The following LIAT1 variants were observed in gnomAD, a reference collection of about 807,000 sequenced individuals.
The protein encoded by LIAT1 is ligand of ATE1.
chr17:413,795 G>C, the LIAT1 span: 1 of 1,531,378 alleles, frequency 6.5e-7, no homozygotes, highest in Non-Finnish European at 8.7e-7. Flanking sequence ...TTTCCACACT[G>C]ACCCCGAGGC....
chr17:414,653 T>G, the LIAT1 span: 2 of 155,768 alleles, frequency 1.3e-5, no homozygotes, highest in African/African-American at 2.4e-5. The surrounding 1 kb of genome is among the most constrained non-coding windows in gnomAD (Gnocchi z 4.1). Context: ...TTCATAAACA[T>G]GGTCCTCTCC....
At chr17:411,207 C>T in the LIAT1 span, among the ~76,000 whole-genome samples, 4 of 152,204 alleles carry the variant, frequency 2.6e-5, no homozygotes, top group African/African-American at 4.8e-5. Flanking sequence ...CAAGGGGCAG[C>T]CTTGGACTGC....
chr17:414,408 C>A, the LIAT1 span: 1 of 362,668 alleles, frequency 2.8e-6, no homozygotes, highest in East Asian at 5.4e-5. The surrounding 1 kb of genome is among the most constrained non-coding windows in gnomAD (Gnocchi z 4.1). Context: ...ATAATCTGCC[C>A]CAAAAAGAAA....
chr17:414,398 A>G, the LIAT1 span: 2 of 401,654 alleles, frequency 5.0e-6, no homozygotes, highest in Non-Finnish European at 4.5e-6. The surrounding 1 kb of genome is among the most constrained non-coding windows in gnomAD (Gnocchi z 4.1). Flanking sequence ...CTAGATGTCT[A>G]TAATCTGCCC....
chr17:414,147 T>C, the LIAT1 span: 1 of 1,595,188 alleles, frequency 6.3e-7, no homozygotes, highest in African/African-American at 1.3e-5. The surrounding 1 kb of genome is among the most constrained non-coding windows in gnomAD (Gnocchi z 4.1). Context: ...AAACTTATAA[T>C]TCCTCCTCAC....
At chr17:413,420 C>T in the LIAT1 span, 13 of 1,614,034 alleles carry the variant, frequency 8.1e-6, no homozygotes, top group African/African-American at 4.0e-5. Context: ...TAAACTGAAT[C>T]GGAGAAAACG....
chr17:410,501 C>CGAG, the LIAT1 span: 5 of 1,544,392 alleles, frequency 3.2e-6, no homozygotes, highest in African/African-American at 1.4e-5. Flanking sequence ...ACAACGACGG[C>CGAG]GAGGAGGAGG....
chr17:413,041 G>A, the LIAT1 span: 83 of 1,364,592 alleles, frequency 6.1e-5, no homozygotes, highest in South Asian at 9.8e-5. Context: ...CCCTGGGTAC[G>A]GAGGGGCCCC....
chr17:410,390 ATTAGT>A, the LIAT1 span: 3 of 1,524,126 alleles, frequency 2.0e-6, no homozygotes, highest in African/African-American at 4.2e-5. Flanking sequence ...AGAGTCGCCG[ATTAGT>A]CGGCATCGGG....
chr17:410,788 G>C, the LIAT1 span: 120 of 731,480 alleles, frequency 1.6e-4, no homozygotes, highest in South Asian at 2.2e-3. Context: ...ACACATGCCC[G>C]TCAGCAGCAC....
chr17:413,010 T>G, the LIAT1 span: 1 of 878,760 alleles, frequency 1.1e-6, no homozygotes, highest in Non-Finnish European at 1.7e-6. Flanking sequence ...GGCACGAGGC[T>G]GGTGGGCTTG....
chr17:410,707 C>G, the LIAT1 span: 4 of 1,464,038 alleles, frequency 2.7e-6, no homozygotes, highest in East Asian at 7.4e-5. Context: ...CTTTGGGGAC[C>G]CACCCCCCAT....
chr17:413,645 G>A, the LIAT1 span: 38 of 1,562,894 alleles, frequency 2.4e-5, 2 homozygotes, highest in African/African-American at 2.2e-4. Context: ...CTTCCACCCC[G>A]ACCCTGAGGC....
At chr17:412,217 G>C in the LIAT1 span, among the ~76,000 whole-genome samples, 1 of 151,874 alleles carries the variant, frequency 6.6e-6, no homozygotes, top group Non-Finnish European at 1.5e-5. Flanking sequence ...ACCTAGAATT[G>C]CTTGAACCTG....
the LIAT1 span, chr17:414,220 CAG>C: frequency 2.9e-6 from 4 of 1,394,230 alleles, no homozygotes; most frequent in African/African-American, 1.4e-5. This position sits in a 1 kb window ranked among gnomAD's most constrained non-coding sequence, Gnocchi z 4.1. Context: ...CTGAAGGAAA[CAG>C]ATGTTCGGTA....
chr17:413,888 C>T, the LIAT1 span: 2 of 1,612,068 alleles, frequency 1.2e-6, no homozygotes, highest in Non-Finnish European at 1.7e-6. Flanking sequence ...CCACCCCGAC[C>T]CCGAGGCCCT....
At chr17:414,173 T>C in the LIAT1 span, 1 of 1,551,054 alleles carries the variant, frequency 6.4e-7, no homozygotes, top group Non-Finnish European at 8.7e-7. The surrounding 1 kb of genome is among the most constrained non-coding windows in gnomAD (Gnocchi z 4.1). Context: ...GTTTATGTGT[T>C]AAAAACCATC....
the LIAT1 span, chr17:413,692 G>A: frequency 6.3e-7 from 1 of 1,582,380 alleles, no homozygotes; most frequent in Non-Finnish European, 8.6e-7. Flanking sequence ...AGGCCCTCAA[G>A]GGTTTCCACA....
chr17:411,710 C>T, the LIAT1 span, among the ~76,000 whole-genome samples: 34 of 152,186 alleles, frequency 2.2e-4, no homozygotes, highest in African/African-American at 8.2e-4. Context: ...TGCCATAAAC[C>T]CCAGTCCCTA....
Sources: allele counts gnomAD v4.1 joint callset (sites outside exome capture counted in the v4.1 genomes callset), GRCh38; gene constraint gnomAD v4.1.1; non-coding constraint Gnocchi (gnomAD v3.1); transcripts MANE v1.5; gene names NCBI Gene and HGNC (gene_info 2026-07-23, HGNC 2026-07-21).